Variants in RIMS2 observed in about 807,000 individuals in gnomAD.
RIMS2 encodes the protein regulating synaptic membrane exocytosis protein 2.
In RIMS2, 59 loss-of-function variants were observed where a neutral mutation model predicts 174.4. That is an observed-to-expected ratio of 0.34 (90% CI 0.27 to 0.42). RIMS2 has a LOEUF of 0.42. Ranked by LOEUF, RIMS2 falls within the 10% of genes least tolerant of loss-of-function variation. RIMS2 has a pLI of 1.00. For missense variants in RIMS2, 1,620 were observed against 1,666.3 expected (o/e 0.97, Z 0.48); for synonymous variants, 606 against 572.5 (o/e 1.06, Z -0.84).
chr8:104,131,406 ATGT>A (rs1386721838), intron 19 of RIMS2, among the ~76,000 whole-genome samples: 1 of 152,158 alleles, frequency 6.6e-6, no homozygotes, highest in Non-Finnish European at 1.5e-5. Flanking sequence ...TAGATGGATA[ATGT>A]TGTCCCTCAG....
chr8:103,954,435 A>G (rs1289126569), intron 14 of RIMS2, among the ~76,000 whole-genome samples: 1 of 152,250 alleles, frequency 6.6e-6, no homozygotes, highest in Non-Finnish European at 1.5e-5. Flanking sequence ...ATTAGAATTC[A>G]GGATTAAGAA....
chr8:103,589,718 A>T (rs913566020), intron 1 of RIMS2, among the ~76,000 whole-genome samples: 3 of 151,570 alleles, frequency 2.0e-5, no homozygotes, highest in African/African-American at 7.2e-5. Flanking sequence ...AGAAATTGTG[A>T]TATATATGCA....
intron 19 of RIMS2, among the ~76,000 whole-genome samples, chr8:104,046,117 T>A (rs1338564341): frequency 2.0e-5 from 3 of 152,002 alleles, no homozygotes; most frequent in African/African-American, 4.8e-5. Context: ...TTCACAAAAA[T>A]TTATTTCTTA....
chr8:103,876,918 ACC>A (rs200007987), intron 3 of RIMS2, among the ~76,000 whole-genome samples: 22,226 of 124,964 alleles, frequency 0.18, 3,173 homozygotes, highest in Middle Eastern at 0.29. Flanking sequence ...ATACACACAC[ACC>A]CCCATATACA....
At chr8:103,604,651 T>G (rs1243259604) in intron 1 of RIMS2, among the ~76,000 whole-genome samples, 1 of 147,344 alleles carries the variant, frequency 6.8e-6, no homozygotes, top group Non-Finnish European at 1.5e-5. Flanking sequence ...TTCTTCCATT[T>G]GTTTGTATCC....
intron 17 of RIMS2, among the ~76,000 whole-genome samples, chr8:104,009,537 T>A (rs1597056809): frequency 6.6e-6 from 1 of 152,048 alleles, no homozygotes. Flanking sequence ...GCTCAAGCCA[T>A]CTGTCTGCCT....
chr8:103,910,251 TC>T (rs2075390844), intron 5 of RIMS2, 69 bp from the exon 8 acceptor site: 5 of 1,525,536 alleles, frequency 3.3e-6, no homozygotes, highest in Non-Finnish European at 4.5e-6. Context: ...ATTTCACTTT[TC>T]CTTTTTTATT....
At chr8:103,757,666 A>G (rs1241975535) in intron 2 of RIMS2, among the ~76,000 whole-genome samples, 3 of 152,202 alleles carry the variant, frequency 2.0e-5, no homozygotes, top group Non-Finnish European at 4.4e-5. Flanking sequence ...TTCCTCAAAC[A>G]ACATGCAGGT....
At chr8:103,504,642 G>A (rs1277607830) in intron 1 of RIMS2, among the ~76,000 whole-genome samples, 1 of 151,928 alleles carries the variant, frequency 6.6e-6, no homozygotes, top group East Asian at 1.9e-4. Context: ...CTGTTAAAGG[G>A]TTAATTTGCT....
chr8:103,587,445 A>AAAG (rs995581848), intron 1 of RIMS2, among the ~76,000 whole-genome samples: 1 of 125,548 alleles, frequency 8.0e-6, no homozygotes, highest in Non-Finnish European at 1.8e-5. Flanking sequence ...AGAAAGAAAG[A>AAAG]AAGAAAGAAA....
At chr8:104,214,296 A>T (rs964876276) in intron 19 of RIMS2, among the ~76,000 whole-genome samples, 1 of 152,216 alleles carries the variant, frequency 6.6e-6, no homozygotes, top group Non-Finnish European at 1.5e-5. Context: ...GTCTTGTTAG[A>T]CGTGAGCCAC....
intron 2 of RIMS2, among the ~76,000 whole-genome samples, chr8:103,712,217 C>T (rs2097314846): frequency 6.6e-6 from 1 of 150,716 alleles, no homozygotes; most frequent in Non-Finnish European, 1.5e-5. Context: ...GCCACCTTGC[C>T]CAGGAAATAG....
chr8:103,605,496 AG>A (rs1218672169), intron 1 of RIMS2, among the ~76,000 whole-genome samples: 5 of 151,062 alleles, frequency 3.3e-5, no homozygotes, highest in Non-Finnish European at 5.9e-5. Context: ...CTTTGGTATC[AG>A]GATGATGCTG....
At chr8:103,618,754 A>T (rs2095563011) in intron 1 of RIMS2, among the ~76,000 whole-genome samples, 8 of 152,110 alleles carry the variant, frequency 5.3e-5, no homozygotes, top group Admixed American at 3.3e-4. Flanking sequence ...GTTCACATGT[A>T]CTGTCTTCCC....
intron 1 of RIMS2, among the ~76,000 whole-genome samples, chr8:103,691,113 G>A (rs1015415476): frequency 5.3e-5 from 8 of 152,082 alleles, no homozygotes; most frequent in African/African-American, 1.7e-4. Flanking sequence ...CTGCTTTTGG[G>A]ATTCTTTCTT....
chr8:103,766,969 G>C (rs1221001457), intron 3 of RIMS2, among the ~76,000 whole-genome samples: 3 of 152,156 alleles, frequency 2.0e-5, no homozygotes, highest in African/African-American at 7.2e-5. Flanking sequence ...GAAGGATGAT[G>C]TGGGTTTTCA....
In RIMS2 at chr8:103,920,356, C is replaced by T. The variant is rs117054328; in HGVS notation, c.2084-1316C>T. 1.6e-4 allele frequency among the ~76,000 whole-genome samples: 25 copies of T among 152,214 alleles called. 1 individual carries two copies. In the East Asian group the frequency reaches 4.8e-3, roughly 29 times the overall value. The stretch of plus-strand genomic sequence containing the variant: ...GAATACATTCTGTTGTGTCTTCCTG[C>T]TACCTAAAGCTTAACAACCTTTATT... On this transcript the variant is annotated intron_variant, in intron 9 of 23. Transcript: ENST00000504942.
intron 19 of RIMS2, among the ~76,000 whole-genome samples, chr8:104,019,726 T>C (rs748400006): frequency 4.6e-5 from 7 of 152,180 alleles, no homozygotes; most frequent in Non-Finnish European, 7.4e-5. Context: ...TTTCCTGCAA[T>C]AATTTAGGAA....
chr8:104,214,839 GT>G (rs2099122748), intron 19 of RIMS2, among the ~76,000 whole-genome samples: 1 of 152,180 alleles, frequency 6.6e-6, no homozygotes, highest in African/African-American at 2.4e-5. Context: ...AGCCTTAACT[GT>G]TTACCAAATA....
Sources: allele counts gnomAD v4.1 joint callset (sites outside exome capture counted in the v4.1 genomes callset), GRCh38; gene constraint gnomAD v4.1.1; transcripts MANE v1.5; gene names NCBI Gene and HGNC (gene_info 2026-07-23, HGNC 2026-07-21).